TECR: variants seen among roughly 807,000 people sequenced by gnomAD.
TECR encodes the protein trans-2,3-enoyl-CoA reductase, also known as very-long-chain enoyl-CoA reductase.
Under a neutral mutation model 50.6 loss-of-function variants are expected in TECR, and 19 were observed. The observed-to-expected ratio is 0.38, with a 90% CI of 0.26 to 0.55. The LOEUF (loss-of-function observed/expected upper bound fraction) is 0.55. Among genes scored for constraint, TECR ranks in the 20% least tolerant of loss-of-function variants. The pLI is 0.79. For synonymous variants in TECR, 168 were observed against 163.5 expected (o/e 1.03, Z -0.21); for missense variants, 313 against 408.3 (o/e 0.77, Z 2.01).
At chr19:14,540,612 G>A (rs2073065864) in intron 1 of TECR, among the ~76,000 whole-genome samples, 2 of 151,086 alleles carry the variant, frequency 1.3e-5, no homozygotes, top group South Asian at 4.2e-4. Flanking sequence ...GGCTGGTCTT[G>A]AACTCCTGAC....
chr19:14,558,982 C>T (rs1199795941), intron 1 of TECR, among the ~76,000 whole-genome samples: 5 of 151,572 alleles, frequency 3.3e-5, no homozygotes, highest in Admixed American at 1.3e-4. Context: ...CCTGGGCAGG[C>T]GTGTGTGTGT....
At chr19:14,558,583 A>G (rs2073812923) in intron 1 of TECR, among the ~76,000 whole-genome samples, 1 of 152,090 alleles carries the variant, frequency 6.6e-6, no homozygotes, top group South Asian at 2.1e-4. Context: ...CGGCAGAGCC[A>G]CCAGCCTGTG....
chr19:14,542,122 A>G (rs1373956574), intron 1 of TECR, among the ~76,000 whole-genome samples: 1 of 151,778 alleles, frequency 6.6e-6, no homozygotes, highest in African/African-American at 2.4e-5. Flanking sequence ...GTTTTATTCA[A>G]TTACCTATGA....
At chr19:14,565,557 A>T in intron 11 of TECR, 61 bp from the exon 12 acceptor site, 1 of 1,572,054 alleles carries the variant, frequency 6.4e-7, no homozygotes, top group Non-Finnish European at 8.6e-7. Context: ...GGCTGAGTCC[A>T]GGACAGCCAC....
Position 14,565,193 on chromosome 19 carries a change from G to C in TECR, c.665-9G>C. On this transcript the variant is annotated splice_polypyrimidine_tract_variant and intron_variant, in intron 10 of 12. Coordinates refer to ENST00000215567, the MANE Select transcript of TECR (RefSeq NM_138501.6). ...GGGTCTGACTTTCTCCTTCTGTCCT[G>C]CCTGCCAGGGTCCAAGACGCGGAAG... 6.2e-7 allele frequency: 1 copy of C among 1,613,956 alleles called. No individual in the cohort carries two copies. The highest frequency in any genetic ancestry group is 8.5e-7 in the Non-Finnish European group (1 of 1,180,014).
chr19:14,548,997 C>G (rs1435005206), intron 1 of TECR, among the ~76,000 whole-genome samples: 1 of 148,744 alleles, frequency 6.7e-6, no homozygotes, highest in Non-Finnish European at 1.5e-5. Flanking sequence ...TTTCACATAT[C>G]ATGAAATAGG....
In TECR at chr19:14,565,129, T is replaced by C; in HGVS notation, c.664+6T>C. ...GCGGGACCTGCGGCCCGCTGGTGAG[T>C]GCCTGCTGGGGGCAGGGGGACAGCT... is the stretch of plus-strand genomic sequence containing the variant. On this transcript the variant is annotated splice_donor_region_variant and intron_variant, in intron 10 of 12. Coordinates refer to ENST00000215567, the MANE Select transcript of TECR (RefSeq NM_138501.6). 6.2e-7 allele frequency: 1 copy of C among 1,613,638 alleles called. No individual in the cohort carries two copies. The highest frequency in any genetic ancestry group is 8.5e-7 in the Non-Finnish European group (1 of 1,179,982).
At chr19:14,556,865 A>T (rs1432809076) in intron 1 of TECR, among the ~76,000 whole-genome samples, 1 of 152,112 alleles carries the variant, frequency 6.6e-6, no homozygotes, top group African/African-American at 2.4e-5. Context: ...CGCCGCTTGC[A>T]GCCAGTCATC....
chr19:14,534,164 G>A (rs9710427), intron 1 of TECR: 49,223 of 149,666 alleles, frequency 0.33, 8,751 homozygotes, highest in Non-Finnish European at 0.41. Context: ...TCGCACTCTC[G>A]CCCAGGCTGG....
chr19:14,532,799 G>A (rs115954423), intron 1 of TECR, among the ~76,000 whole-genome samples: 2,634 of 152,144 alleles, frequency 0.017, 67 homozygotes, highest in African/African-American at 0.055. Flanking sequence ...TTTGAGAAAA[G>A]GTTTGTCTAC....
chr19:14,529,763 C>A (rs955026211), intron 1 of TECR, 52 bp downstream of exon 1: 3 of 1,613,456 alleles, frequency 1.9e-6, no homozygotes, highest in Non-Finnish European at 8.5e-7. Flanking sequence ...CATTCTTTTT[C>A]CTTCTTTGCG....
chr19:14,547,526 A>G (rs763769937), intron 1 of TECR, among the ~76,000 whole-genome samples: 5 of 152,066 alleles, frequency 3.3e-5, no homozygotes, highest in Non-Finnish European at 5.9e-5. Flanking sequence ...ACACCTGGCT[A>G]ATTTTTTGTA....
intron 1 of TECR, among the ~76,000 whole-genome samples, chr19:14,558,046 C>A (rs966758084): frequency 6.6e-6 from 1 of 152,156 alleles, no homozygotes; most frequent in Non-Finnish European, 1.5e-5. Flanking sequence ...TGAGCCACCA[C>A]GCCCGGCCTA....
At position 14,554,367 on chromosome 19, in the gene TECR, G is replaced by A. The variant is rs141882849; in HGVS notation, c.16-8158G>A. Among the ~76,000 whole-genome samples the A allele has an allele frequency of 3.0e-3, 451 of 152,274 alleles. 1 individual carries two copies. The highest frequency in any genetic ancestry group is 6.8e-3 in the Middle Eastern group (2 of 294). On this transcript the variant is annotated intron_variant, in intron 1 of 12. Transcript: ENST00000215567. The stretch of plus-strand genomic sequence containing the variant: ...TTCATAAGCCATGGGAGATGAGGCC[G>A]GCCCAGAATCCAAGCTTCCCGCTCT...
intron 1 of TECR, among the ~76,000 whole-genome samples, chr19:14,551,659 G>A (rs1304587427): frequency 2.0e-5 from 3 of 152,060 alleles, no homozygotes; most frequent in African/African-American, 4.8e-5. Context: ...CCTGGGCCCC[G>A]CTGTGGTATG....
intron 1 of TECR, chr19:14,544,976 GCGGTGTCCTTTT>G (rs2073249976): frequency 2.5e-6 from 1 of 405,958 alleles, no homozygotes; most frequent in Non-Finnish European, 5.0e-6. Context: ...TCTAGGAACT[GCGGTGTCCTTTT>G]CACTCCTTCC....
In TECR at chr19:14,553,110, A is replaced by G. The variant is rs2073594766; in HGVS notation, c.16-9415A>G. ...TTGTCTTGTGCCATATTCATCCTCT[A>G]TGAATGGCTGTGGCTGCTCGCCCAA... On this transcript the variant is annotated intron_variant, in intron 1 of 12. Coordinates refer to ENST00000215567, the MANE Select transcript of TECR (RefSeq NM_138501.6). Among the ~76,000 whole-genome samples the G allele has an allele frequency of 2.6e-5, 4 of 151,960 alleles. No individual in the cohort carries two copies. In the South Asian group the frequency reaches 8.4e-4, roughly 32 times the overall value.
At chr19:14,555,190 T>C (rs1331112956) in intron 1 of TECR, among the ~76,000 whole-genome samples, 1 of 151,838 alleles carries the variant, frequency 6.6e-6, no homozygotes, top group Non-Finnish European at 1.5e-5. Context: ...GCGATCCTTC[T>C]GTCACAGCCC....
rs528973592 is a variant in TECR at position 14,564,170 on chromosome 19, C to G, written c.384-12C>G. 63 of 1,606,180 alleles carry G rather than the reference C, an allele frequency of 3.9e-5. No individual in the cohort carries two copies. In the South Asian group the frequency reaches 6.0e-4, roughly 15 times the overall value. ...CGGACCAGCCCCAGCTGAGCCTGCTCCCCCCGACCAGCCTCGCCTGCATCT... is the reference window on the plus strand; with the variant it reads ...CGGACCAGCCCCAGCTGAGCCTGCTGCCCCCGACCAGCCTCGCCTGCATCT... On this transcript the variant is annotated splice_polypyrimidine_tract_variant and intron_variant, in intron 6 of 12. Transcript: ENST00000215567.
Sources: allele counts gnomAD v4.1 joint callset (sites outside exome capture counted in the v4.1 genomes callset), GRCh38; gene constraint gnomAD v4.1.1; transcripts MANE v1.5; gene names NCBI Gene and HGNC (gene_info 2026-07-23, HGNC 2026-07-21).